Variants in CDH13 observed in about 807,000 individuals in gnomAD.
CDH13 encodes the protein cadherin 13, also known as cadherin-13.
In CDH13, 24 loss-of-function variants were observed where a neutral mutation model predicts 63.8. That is an observed-to-expected ratio of 0.38 (90% CI 0.27 to 0.53). The LOEUF (loss-of-function observed/expected upper bound fraction) is 0.53, where lower values mean the gene tolerates loss of function less well. Ranked by LOEUF, CDH13 falls within the 20% of genes least tolerant of loss-of-function variation. The pLI is 0.85. For missense variants in CDH13, 1,049 were observed against 903.1 expected (o/e 1.16, Z -2.07); for synonymous variants, 503 against 355.3 (o/e 1.42, Z -4.67).
chr16:83,252,136 A>ATATG (rs1905638231), intron 5 of CDH13, among the ~76,000 whole-genome samples: 1 of 128,482 alleles, frequency 7.8e-6, no homozygotes, highest in Non-Finnish European at 1.7e-5. Context: ...ACACATATAT[A>ATATG]TGTATATATA....
intron 9 of CDH13, among the ~76,000 whole-genome samples, chr16:83,671,237 C>T (rs987587151): frequency 1.3e-5 from 2 of 152,078 alleles, no homozygotes; most frequent in African/African-American, 2.4e-5. Flanking sequence ...AACTTAAGTG[C>T]ATTTTTTATT....
intron 1 of CDH13, among the ~76,000 whole-genome samples, chr16:82,857,005 C>A (rs1597814986): frequency 6.6e-6 from 1 of 152,124 alleles, no homozygotes; most frequent in Non-Finnish European, 1.5e-5. Context: ...TGGCACTATG[C>A]TCAGATAAAA....
chr16:82,949,569 G>T (rs1283064311), intron 2 of CDH13, among the ~76,000 whole-genome samples: 2 of 152,122 alleles, frequency 1.3e-5, no homozygotes, highest in Non-Finnish European at 2.9e-5. Flanking sequence ...GCGTGCATTT[G>T]TTTTTTATAA....
intron 5 of CDH13, among the ~76,000 whole-genome samples, chr16:83,325,324 A>T (rs1221336955): frequency 6.6e-6 from 1 of 152,214 alleles, no homozygotes; most frequent in Non-Finnish European, 1.5e-5. Context: ...AAGAGAAATT[A>T]GTTTAAGAGG....
intron 7 of CDH13, among the ~76,000 whole-genome samples, chr16:83,551,856 T>A (rs1323210531): frequency 1.3e-5 from 2 of 152,188 alleles, no homozygotes; most frequent in African/African-American, 4.8e-5. Context: ...TTCCAGCAAC[T>A]AATATGGTTC....
chr16:82,866,646 C>A (rs962676661), intron 2 of CDH13, among the ~76,000 whole-genome samples: 3 of 151,980 alleles, frequency 2.0e-5, no homozygotes, highest in African/African-American at 4.8e-5. Flanking sequence ...AAAGAACTGC[C>A]TGAGACTGGG....
rs578090007 is a variant in CDH13 at position 83,740,381 on chromosome 16, G to C, written c.1539-7727G>C. ...GAAGCAAAGAATCAGGTGCATTGCA[G>C]TGGTCTACACAAAAGACGATCCCTA... On this transcript the variant is annotated intron_variant, in intron 10 of 13. Coordinates refer to ENST00000567109, the MANE Select transcript of CDH13 (RefSeq NM_001257.5). Among the ~76,000 whole-genome samples the C allele has an allele frequency of 1.1e-4, 16 of 152,110 alleles. No individual in the cohort carries two copies. The South Asian group carries it at 3.1e-3, about 30-fold the overall frequency.
chr16:83,716,219 C>T (rs1466719634), intron 10 of CDH13, among the ~76,000 whole-genome samples: 2 of 152,040 alleles, frequency 1.3e-5, no homozygotes, highest in African/African-American at 4.8e-5. Context: ...TAATCAATAT[C>T]CCCCACCAAA....
chr16:83,780,292 G>A (rs1187551921), intron 12 of CDH13, 91 bp downstream of exon 12: 6 of 810,162 alleles, frequency 7.4e-6, no homozygotes, highest in East Asian at 5.4e-5. Flanking sequence ...GTTCTCTCAA[G>A]TATTCTCATT....
At chr16:83,623,448 C>T (rs1909997186) in intron 8 of CDH13, among the ~76,000 whole-genome samples, 7 of 152,200 alleles carry the variant, frequency 4.6e-5, no homozygotes, top group Admixed American at 4.6e-4. Context: ...TTCTGGGGCT[C>T]CTTGAGGGCA....
intron 7 of CDH13, among the ~76,000 whole-genome samples, chr16:83,555,683 A>G (rs1203663829): frequency 6.6e-6 from 1 of 152,224 alleles, no homozygotes; most frequent in Non-Finnish European, 1.5e-5. Context: ...TGAGAAACGC[A>G]ATCTGTTTGG....
intron 2 of CDH13, among the ~76,000 whole-genome samples, chr16:82,991,716 TC>T: frequency 6.6e-6 from 1 of 152,298 alleles, no homozygotes; most frequent in East Asian, 1.9e-4. Flanking sequence ...ACAGTGAAAC[TC>T]AAAGGACTCC....
At chr16:83,095,298 A>T (rs1259119418) in intron 3 of CDH13, among the ~76,000 whole-genome samples, 1 of 152,190 alleles carries the variant, frequency 6.6e-6, no homozygotes, top group East Asian at 1.9e-4. Flanking sequence ...CTGGTATATC[A>T]ACATGGTACT....
rs2039789076 is a variant in CDH13 at position 82,858,378 on chromosome 16, C to G, written c.62C>G (p.Ser21Cys). ...TTTTCTCAGGTGCTGCTGCTAACAT[C>G]TGCAGAAGATTTGGACTGCACTCCT... The part of the protein sequence containing the change: ...VLLSQVLLLT[S>C]AEDLDCTPGF... Residue 21 changes from serine to cysteine, a missense_variant, in exon 2 of 14, where the codon TCT becomes TGT. By Grantham distance (112) the Ser-to-Cys change is moderately radical. Coordinates refer to ENST00000567109, the MANE Select transcript of CDH13 (RefSeq NM_001257.5). 1.9e-6 allele frequency: 3 copies of G among 1,612,220 alleles called. No individual in the cohort carries two copies. Among genetic ancestry groups the G allele is most frequent in the African/African-American group, 1.3e-5 (1 of 74,910 alleles).
At chr16:83,113,473 G>T (rs1233404735) in intron 3 of CDH13, among the ~76,000 whole-genome samples, 1 of 152,222 alleles carries the variant, frequency 6.6e-6, no homozygotes, top group Non-Finnish European at 1.5e-5. Context: ...CCTGCTCTAT[G>T]CCTGTCTTGT....
rs1256993511 is a variant in CDH13, at chr16:83,104,351, C to T, written c.367-21034C>T. ...GTGAAGAATTTATTAATGTAAACTG[C>T]ATGGTGTGGAATAGAGGTTGGGGCT... On this transcript the variant is annotated intron_variant, in intron 3 of 13. Coordinates refer to ENST00000567109, the MANE Select transcript of CDH13 (RefSeq NM_001257.5). 2.0e-5 allele frequency among the ~76,000 whole-genome samples: 3 copies of T among 152,004 alleles called. No homozygotes were observed. In the East Asian group the frequency reaches 5.8e-4, roughly 29 times the overall value.
chr16:83,541,470 T>C (rs1340478922), intron 7 of CDH13, among the ~76,000 whole-genome samples: 6 of 152,242 alleles, frequency 3.9e-5, no homozygotes, highest in African/African-American at 1.4e-4. Context: ...AAACTCTGTT[T>C]GTTTTCACTC....
At chr16:82,784,752 C>G (rs1397254818) in intron 1 of CDH13, among the ~76,000 whole-genome samples, 1 of 152,142 alleles carries the variant, frequency 6.6e-6, no homozygotes, top group Admixed American at 6.5e-5. Context: ...CAGTGACATT[C>G]AAACTGGCAA....
intron 2 of CDH13, among the ~76,000 whole-genome samples, chr16:82,918,078 A>G (rs12919606): frequency 0.36 from 54,608 of 152,076 alleles, 10,533 homozygotes; most frequent in Non-Finnish European, 0.44. Context: ...GTTGTGCACA[A>G]ACCTGCTGCG....
Sources: allele counts gnomAD v4.1 joint callset (sites outside exome capture counted in the v4.1 genomes callset), GRCh38; gene constraint gnomAD v4.1.1; transcripts MANE v1.5; gene names NCBI Gene and HGNC (gene_info 2026-07-23, HGNC 2026-07-21).